The following CERT1 variants were observed in gnomAD, a reference collection of about 807,000 sequenced individuals.
The protein encoded by CERT1 is ceramide transfer protein.
Under a neutral mutation model 87.9 loss-of-function variants are expected in CERT1, and 31 were observed. The observed-to-expected ratio is 0.35, with a 90% confidence interval of 0.27 to 0.48. CERT1 has a LOEUF of 0.48. CERT1 is among the 20% of genes least tolerant of loss of function. The pLI is 0.99. For missense variants in CERT1, 487 were observed against 758.0 expected (o/e 0.64, Z 4.20); for synonymous variants, 289 against 250.9 (o/e 1.15, Z -1.44).
At chr5:75,425,611 G>A in intron 4 of CERT1, 112 bp from the exon 5 acceptor site, 1 of 949,394 alleles carries the variant, frequency 1.1e-6, no homozygotes, top group Non-Finnish European at 1.6e-6. Context: ...CTGAGGGCAT[G>A]GGATAAGGAG....
At chr5:75,484,237 C>G (rs1368004471) in intron 2 of CERT1, among the ~76,000 whole-genome samples, 3 of 150,178 alleles carry the variant, frequency 2.0e-5, no homozygotes, top group Non-Finnish European at 3.0e-5. Context: ...CAGACAAAAC[C>G]TGCAACAGAC....
chr5:75,400,670 G>A (rs986979372), intron 9 of CERT1: 2 of 171,084 alleles, frequency 1.2e-5, no homozygotes, highest in South Asian at 1.8e-4. Flanking sequence ...TTAGCAGGCC[G>A]CCCCTGGAAG....
chr5:75,511,802 C>G (rs1402147343), upstream of CERT1: 2 of 1,551,414 alleles, frequency 1.3e-6, no homozygotes, highest in African/African-American at 2.7e-5. Flanking sequence ...GCAGGAGGAG[C>G]GGAGAAAGGA....
chr5:75,480,556 G>A (rs1003598773), intron 2 of CERT1, among the ~76,000 whole-genome samples: 4 of 152,186 alleles, frequency 2.6e-5, no homozygotes, highest in African/African-American at 4.8e-5. Flanking sequence ...ATACGCATAC[G>A]TGTGCATGCA....
At chr5:75,431,548 T>C (rs1435749464) in intron 3 of CERT1, among the ~76,000 whole-genome samples, 1 of 152,188 alleles carries the variant, frequency 6.6e-6, no homozygotes, top group Admixed American at 6.5e-5. Context: ...CTCTGTGTTA[T>C]GGGGTTGGAA....
At chr5:75,450,223 A>C (rs1419431690) in intron 3 of CERT1, among the ~76,000 whole-genome samples, 1 of 152,132 alleles carries the variant, frequency 6.6e-6, no homozygotes, top group Non-Finnish European at 1.5e-5. Context: ...GACCCAACTA[A>C]ACCTGAAAAA....
chr5:75,376,858 C>A (rs1466896994), downstream of CERT1: 2 of 152,084 alleles, frequency 1.3e-5, no homozygotes, highest in African/African-American at 4.8e-5. Flanking sequence ...TTAGCTTTTG[C>A]ATTTTTTAAA....
chr5:75,384,554 T>C (rs1761709452), intron 14 of CERT1, 88 bp downstream of exon 14: 2 of 869,016 alleles, frequency 2.3e-6, no homozygotes, highest in Non-Finnish European at 3.6e-6. Flanking sequence ...TGGCTTTTAA[T>C]AACCTCCCCA....
intron 2 of CERT1, among the ~76,000 whole-genome samples, chr5:75,497,527 G>GT (rs1231158711): frequency 2.0e-5 from 3 of 152,070 alleles, no homozygotes; most frequent in African/African-American, 7.2e-5. Flanking sequence ...TTGAATTGGA[G>GT]TTCCCATAAT....
At chr5:75,468,878 G>C (rs1007036542) in intron 2 of CERT1, among the ~76,000 whole-genome samples, 1 of 152,050 alleles carries the variant, frequency 6.6e-6, no homozygotes, top group African/African-American at 2.4e-5. Context: ...TTCAACATGC[G>C]GATATAGATG....
At chr5:75,489,973 AAAG>A (rs1389690037) in intron 2 of CERT1, among the ~76,000 whole-genome samples, 1 of 152,228 alleles carries the variant, frequency 6.6e-6, no homozygotes, top group African/African-American at 2.4e-5. Flanking sequence ...TAGACTGGAT[AAAG>A]AAAATGTGGC....
At chr5:75,405,809 G>GA (rs1319275563) in intron 8 of CERT1, among the ~76,000 whole-genome samples, 1 of 145,542 alleles carries the variant, frequency 6.9e-6, no homozygotes, top group East Asian at 2.0e-4. Context: ...ATACATATAG[G>GA]AAAAAACATA....
intron 16 of CERT1, among the ~76,000 whole-genome samples, chr5:75,380,254 G>A (rs781019420): frequency 1.3e-5 from 2 of 152,098 alleles, no homozygotes; most frequent in Non-Finnish European, 2.9e-5. Context: ...ACAAATATAT[G>A]TAACTAGCAA....
Position 75,399,372 on chromosome 5 carries a change from A to G in CERT1, c.1126T>C (p.Ser376Pro), listed in dbSNP as rs1367801791. ...RFVQKPYSRS[S>P]SMSSIDLVSA... is the part of the protein sequence containing the mutation. Reference sequence around the variant, plus strand: ...ACTAGATCAATGGAAGACATGGAGGAAGAGCGACTATAGGGCTACCAGAGA... The same window carrying G: ...ACTAGATCAATGGAAGACATGGAGGGAGAGCGACTATAGGGCTACCAGAGA... Residue 376 changes from serine (S) to proline (P), a missense_variant, in exon 11 of 17, where the codon TCC (serine) becomes CCC (proline). Ser to Pro is a moderately conservative substitution (Grantham distance 74, BLOSUM62 -1). This residue lies in a region of CERT1 where 91 missense variants were observed against 86.7 expected (regional missense o/e 1.05). Transcript: ENST00000643780. 6 of 1,613,428 alleles carry G rather than the reference A, an allele frequency of 3.7e-6. No homozygotes were observed. In the African/African-American group the frequency reaches 8.0e-5, roughly 22 times the overall value.
At position 75,385,870 on chromosome 5, in the gene CERT1, T is replaced by C. The variant is rs1472146996; in HGVS notation, c.1417+32A>G. On this transcript the variant is annotated intron_variant, in intron 13 of 16. Coordinates refer to ENST00000643780, the MANE Select transcript of CERT1 (RefSeq NM_001379029.1). ...GGATTTGATATTAAATTCAAAATAA[T>C]AGATTAAAATATATTAATAATGACA... 5.8e-6 allele frequency: 8 copies of C among 1,371,582 alleles called. No individual in the cohort carries two copies. The South Asian group carries it at 7.8e-5, about 13-fold the overall frequency. 85.0% of individuals were successfully genotyped at this position (1,371,582 alleles called of 1,614,324 possible). A position where few individuals can be genotyped will look rare whatever the true frequency, so the allele number is the denominator to read the frequency against.
chr5:75,454,663 G>A (rs368027499), intron 3 of CERT1, among the ~76,000 whole-genome samples: 1 of 152,068 alleles, frequency 6.6e-6, no homozygotes, highest in African/African-American at 2.4e-5. Flanking sequence ...AGTTGACAAC[G>A]ACCAACTAAG....
chr5:75,424,286 TGAGA>T (rs768826445), intron 5 of CERT1, among the ~76,000 whole-genome samples: 1 of 151,944 alleles, frequency 6.6e-6, no homozygotes, highest in Non-Finnish European at 1.5e-5. Context: ...AGGGAGAGAC[TGAGA>T]GAGAGAGGGG....
intron 1 of CERT1, among the ~76,000 whole-genome samples, chr5:75,507,455 A>ACT (rs1467076885): frequency 6.6e-6 from 1 of 152,142 alleles, no homozygotes; most frequent in Non-Finnish European, 1.5e-5. Context: ...CTCTCTGAGA[A>ACT]CTCACCCAAG....
chr5:75,477,830 CT>C (rs1766038884), intron 2 of CERT1, among the ~76,000 whole-genome samples: 1 of 151,956 alleles, frequency 6.6e-6, no homozygotes, highest in Admixed American at 6.6e-5. Flanking sequence ...TTTTCATTTA[CT>C]AATTGTTTTC....
Sources: gnomAD v4.1 joint callset for allele counts (sites outside exome capture counted in the v4.1 genomes callset) on GRCh38, gnomAD v4.1.1 for gene constraint, gnomAD v4.1.1 regional missense constraint, MANE v1.5 for transcripts, NCBI Gene and HGNC (gene_info 2026-07-23, HGNC 2026-07-21) for gene names.